Variants in MCTP2 observed in about 807,000 individuals in gnomAD.
The protein encoded by MCTP2 is multiple C2 and transmembrane domain containing 2, also known as multiple C2 and transmembrane domain-containing protein 2.
A neutral mutation model predicts 111.6 loss-of-function variants in MCTP2; 132 were observed. That is an observed-to-expected ratio of 1.18 (90% CI 1.03 to 1.37). The LOEUF (loss-of-function observed/expected upper bound fraction) is 1.37. Ranked by LOEUF, MCTP2 falls within the 40% of genes most tolerant of loss-of-function variation. The pLI is 0.00. For synonymous variants in MCTP2, 395 were observed against 387.7 expected, an observed-to-expected ratio of 1.02 and a Z score of -0.22; for missense variants, 1,183 against 1,067.9, an observed-to-expected ratio of 1.11 and a Z score of -1.50.
Position 94,244,768 on chromosome 15 carries a change from G to A in MCTP2, c.-66+13104G>A, listed in dbSNP as rs182939182. Among the ~76,000 whole-genome samples the A allele has an allele frequency of 2.9e-3, 424 of 144,058 alleles. 25 individuals are homozygous for A. The highest frequency in any genetic ancestry group is 9.9e-3 in the African/African-American group (379 of 38,116). The allele number at this position is 144,058 out of a possible 152,430, so 94.5% of individuals were successfully genotyped here. A position where few individuals can be genotyped will look rare whatever the true frequency, so the allele number is the denominator to read the frequency against. ...TACATATGCACCTATGTTTATATTC[G>A]TATATGTATACACATACATATGCAC... On this transcript the variant is annotated intron_variant, in intron 1 of 22. Coordinates refer to ENST00000357742, the MANE Select transcript of MCTP2 (RefSeq NM_001385001.1).
intron 10 of MCTP2, among the ~76,000 whole-genome samples, chr15:94,361,212 GTGCAAA>G (rs2078926291): frequency 6.7e-6 from 1 of 148,648 alleles, no homozygotes; most frequent in South Asian, 2.1e-4. Context: ...CTCTCTGCTG[GTGCAAA>G]TGTATCGTAA....
intron 12 of MCTP2, among the ~76,000 whole-genome samples, chr15:94,379,894 TATG>T (rs2080031002): frequency 1.4e-5 from 2 of 147,278 alleles, no homozygotes; most frequent in Admixed American, 1.4e-4. Context: ...ATATAATATA[TATG>T]ATATATAATG....
At chr15:94,356,966 G>T (rs1596462097) in intron 9 of MCTP2, among the ~76,000 whole-genome samples, 2 of 152,076 alleles carry the variant, frequency 1.3e-5, no homozygotes, top group South Asian at 4.1e-4. Context: ...TTACATAACT[G>T]TCAGACAGGA....
intron 2 of MCTP2, among the ~76,000 whole-genome samples, chr15:94,302,254 G>T (rs1376247255): frequency 1.3e-5 from 2 of 152,174 alleles, no homozygotes; most frequent in Non-Finnish European, 2.9e-5. Flanking sequence ...CTCCTTTTGA[G>T]AATTAGTAAG....
chr15:94,355,847 G>T, intron 8 of MCTP2: 1 of 870,326 alleles, frequency 1.1e-6, no homozygotes, highest in Non-Finnish European at 1.4e-6. Context: ...TAAAGGCCCA[G>T]TTGAAGGAGT....
At chr15:94,394,566 C>A (rs1483936119) in intron 14 of MCTP2, among the ~76,000 whole-genome samples, 1 of 151,908 alleles carries the variant, frequency 6.6e-6, no homozygotes, top group Non-Finnish European at 1.5e-5. Context: ...GAGATCGAGA[C>A]CATCCTGGCT....
chr15:94,467,546 TG>T (rs1437097532), intron 20 of MCTP2, among the ~76,000 whole-genome samples: 2 of 152,158 alleles, frequency 1.3e-5, no homozygotes, highest in Non-Finnish European at 2.9e-5. Context: ...GTTGTGTGAG[TG>T]TTTTTAGTGT....
At chr15:94,412,532 A>G (rs1219454871) in intron 17 of MCTP2, among the ~76,000 whole-genome samples, 1 of 152,060 alleles carries the variant, frequency 6.6e-6, no homozygotes, top group African/African-American at 2.4e-5. Context: ...GATGACAAGG[A>G]TGATGATGAT....
intron 5 of MCTP2, 96 bp from the exon 6 acceptor site, chr15:94,340,102 AT>A: frequency 1.2e-6 from 1 of 816,394 alleles, no homozygotes; most frequent in South Asian, 1.5e-5. Flanking sequence ...TGAAAGACTG[AT>A]TTCAGAATTT....
chr15:94,281,271 T>C (rs975700814), intron 1 of MCTP2, among the ~76,000 whole-genome samples: 1 of 152,192 alleles, frequency 6.6e-6, no homozygotes, highest in African/African-American at 2.4e-5. Flanking sequence ...AAATTTAGGA[T>C]AGTTGATTCT....
intron 20 of MCTP2, among the ~76,000 whole-genome samples, chr15:94,461,124 T>A (rs1465427247): frequency 6.6e-6 from 1 of 152,196 alleles, no homozygotes; most frequent in Non-Finnish European, 1.5e-5. Context: ...ATTACACAAA[T>A]TTTAAATGTA....
intron 1 of MCTP2, among the ~76,000 whole-genome samples, chr15:94,258,967 T>A (rs2073017343): frequency 6.6e-6 from 1 of 152,234 alleles, no homozygotes; most frequent in African/African-American, 2.4e-5. Flanking sequence ...GTACATGTAC[T>A]ATGGTGCTGA....
At chr15:94,470,542 G>T in intron 21 of MCTP2, 100 bp downstream of exon 21, 1 of 919,814 alleles carries the variant, frequency 1.1e-6, no homozygotes. Flanking sequence ...GCTCTTGTTG[G>T]CAATTAAACA....
chr15:94,307,707 A>G (rs1489617367), intron 2 of MCTP2, among the ~76,000 whole-genome samples: 2 of 152,176 alleles, frequency 1.3e-5, no homozygotes, highest in East Asian at 1.9e-4. Context: ...GACACTGGGT[A>G]TAGCAGTAAG....
At chr15:94,399,614 C>A in intron 15 of MCTP2, 1 of 233,126 alleles carries the variant, frequency 4.3e-6, no homozygotes, top group Non-Finnish European at 8.2e-6. Flanking sequence ...GAAGTTTTAT[C>A]TTTTACGGAC....
chr15:94,286,377 G>A (rs1464677209), intron 1 of MCTP2, among the ~76,000 whole-genome samples: 2 of 151,412 alleles, frequency 1.3e-5, no homozygotes, highest in Non-Finnish European at 2.9e-5. Context: ...TTAAAATGAC[G>A]TGATATGAAA....
intron 14 of MCTP2, 116 bp downstream of exon 14, chr15:94,385,641 G>A (rs2152456826): frequency 2.8e-6 from 2 of 710,460 alleles, no homozygotes; most frequent in South Asian, 3.3e-5. Context: ...CCTAACTATA[G>A]CAGGAAACGA....
chr15:94,405,330 G>A (rs2081846935), intron 17 of MCTP2, among the ~76,000 whole-genome samples: 1 of 152,186 alleles, frequency 6.6e-6, no homozygotes, highest in African/African-American at 2.4e-5. Context: ...GCAGAATCAT[G>A]TTTAATCTAT....
chr15:94,317,897 A>G (rs1014320904), intron 4 of MCTP2, among the ~76,000 whole-genome samples: 3 of 151,910 alleles, frequency 2.0e-5, no homozygotes, highest in African/African-American at 7.3e-5. Context: ...AATCAAAGTC[A>G]TAATTTCTTA....
Sources: gnomAD v4.1 joint callset for allele counts (sites outside exome capture counted in the v4.1 genomes callset) on GRCh38, gnomAD v4.1.1 for gene constraint, MANE v1.5 for transcripts, NCBI Gene and HGNC (gene_info 2026-07-23, HGNC 2026-07-21) for gene names.